The following ULK4 variants were observed in gnomAD, a reference collection of about 807,000 sequenced individuals.
The protein encoded by ULK4 is unc-51 like kinase 4.
In ULK4, 133 loss-of-function variants were observed where a neutral mutation model predicts 160.6. The ratio of observed to expected loss-of-function variants is 0.83; its 90% confidence interval spans 0.72 to 0.96. ULK4 has a LOEUF of 0.96. Ranked by LOEUF, ULK4 falls within the 40% of genes least tolerant of loss-of-function variation. The pLI, the probability that ULK4 is intolerant of heterozygous loss-of-function variation, is 0.00. For missense variants in ULK4, 1,580 were observed against 1,499.5 expected (o/e 1.05, Z -0.89); for synonymous variants, 534 against 539.8 (o/e 0.99, Z 0.15).
chr3:41,379,225 GAA>G (rs924602966), intron 35 of ULK4, among the ~76,000 whole-genome samples: 3 of 150,016 alleles, frequency 2.0e-5, no homozygotes, highest in Admixed American at 1.3e-4. Context: ...AGTGAAAAAA[GAA>G]AAAAAAAGTG....
chr3:41,756,106 T>C (rs1464951114), intron 21 of ULK4, among the ~76,000 whole-genome samples: 1 of 152,176 alleles, frequency 6.6e-6, no homozygotes, highest in African/African-American at 2.4e-5. Flanking sequence ...TGTCCAAAAT[T>C]AAACTCAGTG....
Position 41,918,453 on chromosome 3 carries a change from T to C in ULK4, c.727+4A>G. The C allele has an allele frequency of 1.3e-6, 2 of 1,562,280 alleles. No individual in the cohort carries two copies. The highest frequency in any genetic ancestry group is 2.3e-5 in the East Asian group (1 of 44,056). The stretch of plus-strand genomic sequence containing the variant: ...TTAATTCCATTTATCATAAGAAATC[T>C]TACCTTTCGGAATAGGTGGCAAAGG... On this transcript the variant is annotated splice_donor_region_variant and intron_variant, in intron 7 of 36. Transcript: ENST00000301831.
intron 32 of ULK4, among the ~76,000 whole-genome samples, chr3:41,495,430 A>G (rs28843485): frequency 0.41 from 60,810 of 150,052 alleles, 12,335 homozygotes; most frequent in African/African-American, 0.43. Context: ...AATTAATTCA[A>G]GATGGATTAA....
At chr3:41,490,684 A>C (rs1575300124) in intron 32 of ULK4, among the ~76,000 whole-genome samples, 1 of 152,192 alleles carries the variant, frequency 6.6e-6, no homozygotes. Context: ...TTGAATATAT[A>C]TTTGAACCGA....
intron 31 of ULK4, among the ~76,000 whole-genome samples, chr3:41,603,094 C>T (rs1169854670): frequency 6.6e-6 from 1 of 151,820 alleles, no homozygotes; most frequent in Non-Finnish European, 1.5e-5. Context: ...AAGAAACTCA[C>T]TTAAAATATA....
chr3:41,918,072 T>A (rs548306791), intron 7 of ULK4, among the ~76,000 whole-genome samples: 29 of 152,210 alleles, frequency 1.9e-4, no homozygotes, highest in Middle Eastern at 6.8e-3. Context: ...TTCTGATTCA[T>A]CAAGATAAGG....
intron 35 of ULK4, among the ~76,000 whole-genome samples, chr3:41,308,825 C>G (rs1029531096): frequency 3.0e-5 from 3 of 100,392 alleles, no homozygotes; most frequent in African/African-American, 2.1e-4. Flanking sequence ...TATTCCAAAT[C>G]CAAAACACTC....
intron 34 of ULK4, among the ~76,000 whole-genome samples, chr3:41,402,693 C>T (rs567874182): frequency 4.9e-4 from 75 of 152,274 alleles, no homozygotes; most frequent in Non-Finnish European, 8.8e-4. Context: ...AAGCCTTGCA[C>T]ATCTGGGATA....
At chr3:41,338,878 C>T (rs2080622816) in intron 35 of ULK4, among the ~76,000 whole-genome samples, 1 of 151,746 alleles carries the variant, frequency 6.6e-6, no homozygotes, top group Non-Finnish European at 1.5e-5. Context: ...GACTGATATC[C>T]CAGCACAAGC....
intron 35 of ULK4, among the ~76,000 whole-genome samples, chr3:41,364,398 G>A (rs990974439): frequency 6.6e-6 from 1 of 152,100 alleles, no homozygotes; most frequent in Non-Finnish European, 1.5e-5. Context: ...CCTGTGCTGC[G>A]CCCCTTGCAT....
chr3:41,834,601 T>C (rs1304450666), intron 18 of ULK4, among the ~76,000 whole-genome samples: 1 of 152,262 alleles, frequency 6.6e-6, no homozygotes, highest in African/African-American at 2.4e-5. Flanking sequence ...GTACTAATTA[T>C]GGAGTTAAAC....
At chr3:41,949,764 AGT>A (rs1700228183) in intron 2 of ULK4, among the ~76,000 whole-genome samples, 1 of 147,082 alleles carries the variant, frequency 6.8e-6, no homozygotes, top group South Asian at 2.2e-4. Context: ...TTTTTGAGAC[AGT>A]GTCTCTGTCG....
intron 30 of ULK4, among the ~76,000 whole-genome samples, chr3:41,616,120 C>T (rs1177120896): frequency 6.6e-6 from 1 of 152,086 alleles, no homozygotes; most frequent in East Asian, 1.9e-4. Context: ...GTATTCTCAG[C>T]ATTAAGAAAT....
At chr3:41,295,113 G>A (rs1416155643) in intron 35 of ULK4, among the ~76,000 whole-genome samples, 1 of 152,204 alleles carries the variant, frequency 6.6e-6, no homozygotes, top group Admixed American at 6.5e-5. Context: ...CAGATCAACG[G>A]AATAGAATAG....
Position 41,800,247 on chromosome 3 carries a change from A to G in ULK4, c.1895T>C (p.Val632Ala), listed in dbSNP as rs564254692. ...GGACTGAGCAGAAAAGGTGGTACAGACATTTTCAATAATTTTTGCTGCCAT... is the reference window on the plus strand; with the variant it reads ...GGACTGAGCAGAAAAGGTGGTACAGGCATTTTCAATAATTTTTGCTGCCAT... ...NHMAAKIIEN[V>A]CTTFSAQSQG... The change falls in exon 20 of 37, where the codon GTC becomes GCC. Residue 632 changes from valine (V) to alanine (A), a missense_variant. By Grantham distance (64) the Val-to-Ala change is moderately conservative. Coordinates refer to ENST00000301831, the MANE Select transcript of ULK4 (RefSeq NM_017886.4). 6.2e-7 allele frequency: 1 copy of G among 1,613,270 alleles called. No individual in the cohort carries two copies. The highest frequency in any genetic ancestry group is 1.1e-5 in the South Asian group (1 of 90,792).
intron 17 of ULK4, among the ~76,000 whole-genome samples, chr3:41,865,271 TAAAAAAAAA>T (rs55741060): frequency 0.039 from 1,156 of 29,840 alleles, 12 homozygotes; most frequent in Non-Finnish European, 0.052. Context: ...ACTCTGTCTT[TAAAAAAAAA>T]AAAAAAAAAA....
Position 41,412,666 on chromosome 3 carries a change from T to C in ULK4, c.3493-14402A>G, listed in dbSNP as rs117230359. On this transcript the variant is annotated intron_variant, in intron 34 of 36. Coordinates refer to ENST00000301831, the MANE Select transcript of ULK4 (RefSeq NM_017886.4). ...ACCTCTGCCTCCCAGGTTCAAGTGA[T>C]TCTCATGCTTCGGGCTCCTAAGTAA... is the stretch of plus-strand genomic sequence containing the variant. Among the ~76,000 whole-genome samples, 363 of 150,634 alleles carry C rather than the reference T, an allele frequency of 2.4e-3. 2 individuals carry two copies. The highest frequency in any genetic ancestry group is 0.015 in the East Asian group (78 of 5,124).
chr3:41,391,543 GA>G (rs1229445628), intron 35 of ULK4, among the ~76,000 whole-genome samples: 1 of 151,698 alleles, frequency 6.6e-6, no homozygotes, highest in Non-Finnish European at 1.5e-5. Flanking sequence ...CTAGTAGAAA[GA>G]GTGCCTCTTC....
chr3:41,827,762 C>T (rs372645347), intron 18 of ULK4, among the ~76,000 whole-genome samples: 2 of 151,988 alleles, frequency 1.3e-5, no homozygotes, highest in East Asian at 1.9e-4. Context: ...CTATTCCAAT[C>T]AATAGAAAAA....
Sources: allele counts gnomAD v4.1 joint callset (sites outside exome capture counted in the v4.1 genomes callset), GRCh38; gene constraint gnomAD v4.1.1; transcripts MANE v1.5; gene names NCBI Gene and HGNC (gene_info 2026-07-23, HGNC 2026-07-21).